The following HDGF variants were observed in gnomAD, a reference collection of about 807,000 sequenced individuals.
The protein encoded by HDGF is heparin binding growth factor, also known as hepatoma-derived growth factor.
HDGF carries 5 observed loss-of-function variants against 30.0 expected under a neutral mutation model. The observed-to-expected ratio is 0.17, with a 90% CI of 0.09 to 0.35. The LOEUF is 0.35. Ranked by LOEUF, HDGF falls within the 10% of genes least tolerant of loss-of-function variation. HDGF has a pLI of 1.00. For synonymous variants in HDGF, 133 were observed against 112.7 expected, an observed-to-expected ratio of 1.18 and a Z score of -1.14; for missense variants, 214 against 302.8, an observed-to-expected ratio of 0.71 and a Z score of 2.18.
chr1:156,761,885 T>C (rs1423170600), intron 1 of HDGF, among the ~76,000 whole-genome samples: 3 of 144,558 alleles, frequency 2.1e-5, no homozygotes, highest in African/African-American at 7.8e-5. Flanking sequence ...AGGTGGAGGT[T>C]GCAGTGAGAC....
chr1:156,760,338 T>C (rs1651227594), intron 1 of HDGF, among the ~76,000 whole-genome samples: 1 of 151,928 alleles, frequency 6.6e-6, no homozygotes, highest in Non-Finnish European at 1.5e-5. Flanking sequence ...CAGGGAGGCG[T>C]GTGGGTGAGG....
intron 2 of HDGF, 47 bp from the exon 3 acceptor site, chr1:156,745,193 G>A: frequency 6.2e-6 from 10 of 1,613,134 alleles, no homozygotes; most frequent in Non-Finnish European, 8.5e-6. Context: ...CACTGCCCCT[G>A]AGCTGCACAG....
upstream of HDGF, among the ~76,000 whole-genome samples, chr1:156,757,394 A>G (rs1331838424): frequency 6.6e-6 from 1 of 151,994 alleles, no homozygotes; most frequent in Non-Finnish European, 1.5e-5. Flanking sequence ...TGAACCCGGG[A>G]GGCGGAGGTT....
chr1:156,761,367 G>C (rs1162114638), intron 1 of HDGF, among the ~76,000 whole-genome samples: 1 of 151,986 alleles, frequency 6.6e-6, no homozygotes, highest in Non-Finnish European at 1.5e-5. Context: ...CCAGCACTTT[G>C]GGAGGCTGAG....
chr1:156,743,212 A>G lies in HDGF; in HGVS notation c.*237T>C. 3 of 443,922 alleles carry G rather than the reference A, an allele frequency of 6.8e-6. No individual in the cohort carries two copies. In the South Asian group the frequency reaches 1.6e-4, roughly 23 times the overall value. The allele number at this position is 443,922 out of a possible 1,614,324, so 27.5% of individuals were successfully genotyped here. A position where few individuals can be genotyped will look rare whatever the true frequency, so the allele number is the denominator to read the frequency against. ...AGTGGCCTCAACTCATTCCAGGGAG[A>G]AGACATGGCTCTGACTCAGATCATA... On this transcript the variant is annotated 3_prime_UTR_variant, in exon 6 of 6. Coordinates refer to ENST00000357325, the MANE Select transcript of HDGF (RefSeq NM_004494.3).
chr1:156,765,498 G>A (rs554467254), intron 1 of HDGF, among the ~76,000 whole-genome samples: 1 of 66,206 alleles, frequency 1.5e-5, no homozygotes, highest in African/African-American at 5.2e-5. Flanking sequence ...TTTTTGAGAT[G>A]GAGTCTTGCA....
At chr1:156,760,877 G>A (rs1651237979) in intron 1 of HDGF, among the ~76,000 whole-genome samples, 1 of 147,618 alleles carries the variant, frequency 6.8e-6, no homozygotes, top group Non-Finnish European at 1.5e-5. Flanking sequence ...GAAATTCAAA[G>A]TATACGTGGA....
chr1:156,757,223 T>C (rs970596457), upstream of HDGF, among the ~76,000 whole-genome samples: 2 of 151,250 alleles, frequency 1.3e-5, no homozygotes, highest in Admixed American at 6.6e-5. Context: ...CCCAGCACTT[T>C]GGGAGGCCGA....
chr1:156,746,679 C>T (rs548973120), intron 1 of HDGF, among the ~76,000 whole-genome samples: 148 of 152,250 alleles, frequency 9.7e-4, no homozygotes, highest in African/African-American at 3.4e-3. Context: ...GGCCTGGAAG[C>T]CCAGGCCAAG....
In HDGF at chr1:156,763,678, C is replaced by G. The variant is rs180910998; in HGVS notation, n.136+3112G>C. On this transcript the variant is annotated intron_variant and non_coding_transcript_variant, in intron 1 of 7. Transcript: ENST00000465180. The stretch of plus-strand genomic sequence containing the variant: ...TTGGCTGACTGCAGCCTCTGCCTCC[C>G]GCATTCAAGCAATTCTCCTGCCTTA... Among the ~76,000 whole-genome samples the G allele has an allele frequency of 6.7e-5, 10 of 150,190 alleles. 1 individual carries two copies. Among genetic ancestry groups the G allele is most frequent in the African/African-American group, 2.4e-4 (10 of 40,872 alleles).
At chr1:156,765,952 G>A (rs758326433) in intron 1 of HDGF, among the ~76,000 whole-genome samples, 17 of 152,196 alleles carry the variant, frequency 1.1e-4, no homozygotes, top group Non-Finnish European at 2.2e-4. Flanking sequence ...GTGGTCCTCA[G>A]TGCCTGGTTT....
chr1:156,764,900 A>C (rs116586501), intron 1 of HDGF, among the ~76,000 whole-genome samples: 2 of 151,546 alleles, frequency 1.3e-5, no homozygotes, highest in Non-Finnish European at 2.9e-5. Flanking sequence ...AAAAAAAAAA[A>C]AGAAGAAGAA....
At chr1:156,759,932 C>G (rs1305737069) in intron 1 of HDGF, among the ~76,000 whole-genome samples, 2 of 152,162 alleles carry the variant, frequency 1.3e-5, no homozygotes, top group East Asian at 3.8e-4. Context: ...ACAAATAATG[C>G]AATAGTAAAT....
chr1:156,752,372 G>T (rs1400621121), upstream of HDGF: 1 of 1,551,192 alleles, frequency 6.4e-7, no homozygotes, highest in East Asian at 2.4e-5. Context: ...ATTCGATCTC[G>T]TTTCTCTAAG....
chr1:156,763,846 C>A (rs1651301732), intron 1 of HDGF, among the ~76,000 whole-genome samples: 1 of 152,054 alleles, frequency 6.6e-6, no homozygotes, highest in Non-Finnish European at 1.5e-5. Context: ...CCTTGGCCTC[C>A]CAAAGTGTTA....
rs183479594 is a variant in HDGF, at chr1:156,744,311, G to A, written c.341C>T (p.Pro114Leu). 3 of 1,614,144 alleles carry A rather than the reference G, an allele frequency of 1.9e-6. No homozygotes were observed. Among genetic ancestry groups the A allele is most frequent in the African/African-American group, 1.3e-5 (1 of 75,028 alleles). Reference sequence around the variant, plus strand: ...GTCACCCTCTGCAGCTTCGGGCTCTGGTTCAGGCTCTTCCACACAGCTCTT... The same window carrying A: ...GTCACCCTCTGCAGCTTCGGGCTCTAGTTCAGGCTCTTCCACACAGCTCTT... ...QKKSCVEEPEPEPEAAEGDGD... is the reference protein window; with the variant it reads ...QKKSCVEEPELEPEAAEGDGD... The change falls in exon 4 of 6, where the codon CCA (proline) becomes CTA (leucine). Residue 114 changes from proline to leucine, a missense_variant. Transcript: ENST00000357325.
intron 1 of HDGF, among the ~76,000 whole-genome samples, chr1:156,765,850 G>A (rs554528404): frequency 3.3e-5 from 5 of 152,232 alleles, no homozygotes; most frequent in African/African-American, 1.2e-4. Context: ...AGAGTACGTT[G>A]GGGAACCTAG....
upstream of HDGF, among the ~76,000 whole-genome samples, chr1:156,757,334 C>T (rs913981226): frequency 4.7e-5 from 7 of 150,528 alleles, no homozygotes; most frequent in East Asian, 2.0e-4. Flanking sequence ...GGCATGGAGG[C>T]GCATGCCTGT....
At chr1:156,765,783 A>G (rs1264258997) in intron 1 of HDGF, among the ~76,000 whole-genome samples, 1 of 151,836 alleles carries the variant, frequency 6.6e-6, no homozygotes, top group East Asian at 1.9e-4. Context: ...TACTTTATCC[A>G]TTTTTCAAAG....
Sources: allele counts gnomAD v4.1 joint callset (sites outside exome capture counted in the v4.1 genomes callset), GRCh38; gene constraint gnomAD v4.1.1; transcripts MANE v1.5; gene names NCBI Gene and HGNC (gene_info 2026-07-23, HGNC 2026-07-21).